The following VPS13C variants were observed in gnomAD, a reference collection of about 807,000 sequenced individuals.
The protein encoded by VPS13C is vacuolar protein sorting 13 homolog C, also known as intermembrane lipid transfer protein VPS13C.
A neutral mutation model predicts 456.8 loss-of-function variants in VPS13C; 358 were observed. The ratio of observed to expected loss-of-function variants is 0.78; its 90% CI spans 0.72 to 0.86. VPS13C has a LOEUF of 0.86. VPS13C is among the 40% of genes least tolerant of loss of function. The pLI, the probability that VPS13C is intolerant of heterozygous loss-of-function variation, is 0.00. For missense variants in VPS13C, 4,818 were observed against 4,385.4 expected (o/e 1.10, Z -2.79); for synonymous variants, 1,578 against 1,486.7 (o/e 1.06, Z -1.41).
Position 61,949,474 on chromosome 15 carries a change from C to A in VPS13C, c.4728G>T (p.Val1576=). 6.2e-6 allele frequency: 10 copies of A among 1,613,510 alleles called. No individual in the cohort carries two copies. The Middle Eastern group carries it at 5.0e-4, about 80-fold the overall frequency. ...SEKESELKPL[V]GESRSIAVKA... ...TGACAGCGATACTTCTGGACTCCCCCACAAGTGGTTTCAGCTCGGATTCCT... is the reference window on the plus strand; with the variant it reads ...TGACAGCGATACTTCTGGACTCCCCAACAAGTGGTTTCAGCTCGGATTCCT... The change falls in exon 42 of 85, where the codon GTG becomes GTT. Residue 1576 remains valine, a synonymous_variant. Coordinates refer to ENST00000644861, the MANE Select transcript of VPS13C (RefSeq NM_020821.3).
At position 61,857,800 on chromosome 15, in the gene VPS13C, T is replaced by C. The variant is rs898291961; in HGVS notation, c.10953-1391A>G. ...TGAGAAGGGGGAAGAAAGGGCTAGA[T>C]TGAGATGTTTAGAAGGCAGACATGA... is the stretch of plus-strand genomic sequence containing the variant. On this transcript the variant is annotated intron_variant, in intron 82 of 84. Coordinates refer to ENST00000644861, the MANE Select transcript of VPS13C (RefSeq NM_020821.3). Among the ~76,000 whole-genome samples the C allele has an allele frequency of 3.3e-5, 5 of 152,032 alleles. No homozygotes were observed. In the East Asian group the frequency reaches 5.8e-4, roughly 18 times the overall value.
chr15:61,999,926 A>AT (rs999804893), intron 16 of VPS13C, among the ~76,000 whole-genome samples: 11 of 151,146 alleles, frequency 7.3e-5, no homozygotes, highest in Non-Finnish European at 1.3e-4. Flanking sequence ...AAAAAAGGAG[A>AT]TAAAAAGCAT....
chr15:61,899,460 G>T (rs550773905), intron 66 of VPS13C, among the ~76,000 whole-genome samples: 153 of 152,238 alleles, frequency 1.0e-3, no homozygotes, highest in African/African-American at 3.6e-3. Context: ...CTACCTCTAC[G>T]CAAATAAACT....
In VPS13C at chr15:61,852,443, AT is replaced by A. The variant is rs1893698675; in HGVS notation, c.*2013del. On this transcript the variant is annotated 3_prime_UTR_variant, in exon 85 of 85. Transcript: ENST00000644861. ...GTTTTATTTCTCTCATATGCAAGTA[AT>A]TACCTCTCAAAGCATTTTTAAAAAA... 6.6e-6 allele frequency: 1 copy of A among 152,220 alleles called. No homozygotes were observed. The highest frequency in any genetic ancestry group is 2.1e-4 in the South Asian group (1 of 4,830). 9.4% of individuals were successfully genotyped at this position (152,220 alleles called of 1,614,324 possible).
In VPS13C at chr15:62,008,661, C is replaced by A. The variant is rs185425999; in HGVS notation, c.1112G>T (p.Arg371Leu). Residue 371 changes from arginine to leucine, a missense_variant, in exon 14 of 85, where the codon CGA becomes CTA. This residue lies in a region of VPS13C where 4,552 missense variants were observed against 4,130.6 expected (regional missense o/e 1.10). Coordinates refer to ENST00000644861, the MANE Select transcript of VPS13C (RefSeq NM_020821.3). ...AAAACAAATTCTAACTTACCATCGT[C>A]GACCATTGGTATGAAGTGGTAAATA... Reference protein sequence around the residue: ...KPYLPLHTNGRRWWKYAIDSV... With the variant: ...KPYLPLHTNGLRWWKYAIDSV... The A allele has an allele frequency of 6.3e-7, 1 of 1,593,174 alleles. No individual in the cohort carries two copies. Among genetic ancestry groups the A allele is most frequent in the Non-Finnish European group, 8.6e-7 (1 of 1,169,174 alleles).
At chr15:61,922,206 A>C (rs554471043) in intron 54 of VPS13C, among the ~76,000 whole-genome samples, 173 bp from the exon 55 acceptor site, 2 of 152,286 alleles carry the variant, frequency 1.3e-5, no homozygotes, top group African/African-American at 4.8e-5. Flanking sequence ...TATTGTCATA[A>C]ATTATTTAGC....
chr15:62,008,821 T>C (rs757257197), intron 13 of VPS13C, 60 bp from the exon 14 acceptor site: 3 of 1,048,684 alleles, frequency 2.9e-6, no homozygotes, highest in African/African-American at 3.3e-5. Flanking sequence ...AAAGACTAAA[T>C]TTAATTCTAT....
Position 61,919,321 on chromosome 15 carries a change from T to C in VPS13C, c.7606A>G (p.Asn2536Asp). 6.2e-7 allele frequency: 1 copy of C among 1,607,468 alleles called. No homozygotes were observed. The change falls in exon 58 of 85, where the codon AAT (asparagine) becomes GAT (aspartate). Residue 2536 changes from asparagine (N) to aspartate (D), a missense_variant. Asn to Asp is a conservative substitution (Grantham distance 23). Coordinates refer to ENST00000644861, the MANE Select transcript of VPS13C (RefSeq NM_020821.3). ...VLVQIDATEG[N>D]KVITLRSPLQ... Reference sequence around the variant, plus strand: ...GGAGAGCGAAGGGTAATTACTTTATTCCCTTCAGTTGCATCAATTTGTACC... The same window carrying C: ...GGAGAGCGAAGGGTAATTACTTTATCCCCTTCAGTTGCATCAATTTGTACC...
intron 30 of VPS13C, 137 bp downstream of exon 30, chr15:61,965,946 G>T: frequency 6.1e-6 from 3 of 488,846 alleles, no homozygotes; most frequent in Non-Finnish European, 1.1e-5. Flanking sequence ...GGTAAGTATC[G>T]ATGAGGTTAT....
At position 61,982,562 on chromosome 15, in the gene VPS13C, A is replaced by C. The variant is rs768348393; in HGVS notation, c.1926T>G (p.Asn642Lys). The C allele has an allele frequency of 4.2e-5, 68 of 1,603,572 alleles. No homozygotes were observed. The highest frequency in any genetic ancestry group is 5.5e-5 in the Non-Finnish European group (65 of 1,177,342). Residue 642 changes from asparagine to lysine, a missense_variant, in exon 21 of 85, where the codon AAT (asparagine) becomes AAG (lysine). Physicochemically the swap from Asn to Lys is moderately conservative, Grantham distance 94 (BLOSUM62 0). Around this residue, in one of 3 missense-constraint regions of VPS13C, gnomAD observed 4,552 missense variants for 4,130.6 expected, o/e 1.10. Coordinates refer to ENST00000644861, the MANE Select transcript of VPS13C (RefSeq NM_020821.3). ...VEVIYDAKTVNAVVEFFQSNK... is the reference protein window; with the variant it reads ...VEVIYDAKTVKAVVEFFQSNK... ...TTGATTGAAAGAATTCAACCACTGC[A>C]TTGACAGTTTTCTATAAGAAAATTT...
intron 81 of VPS13C, chr15:61,864,947 G>C (rs1566954487): frequency 1.0e-6 from 1 of 979,392 alleles, no homozygotes; most frequent in Non-Finnish European, 1.2e-6. Context: ...TTTCTATCTT[G>C]TATGTATTTT....
chr15:61,899,774 C>T (rs1412001805), intron 66 of VPS13C, among the ~76,000 whole-genome samples: 1 of 152,012 alleles, frequency 6.6e-6, no homozygotes, highest in Admixed American at 6.6e-5. Flanking sequence ...AGACCAGCAT[C>T]ATTCTGATAC....
chr15:62,016,889 C>T (rs1004628389), intron 9 of VPS13C, among the ~76,000 whole-genome samples: 2 of 152,172 alleles, frequency 1.3e-5, no homozygotes, highest in Admixed American at 1.3e-4. Flanking sequence ...GTCCCACCAA[C>T]AGTGTAAAAG....
chr15:62,033,622 A>G (rs2047891279), intron 4 of VPS13C, 80 bp from the exon 5 acceptor site: 2 of 968,308 alleles, frequency 2.1e-6, no homozygotes, highest in Admixed American at 5.6e-5. Context: ...CCTCATTAGG[A>G]TTGTGTAAGT....
chr15:61,910,364 C>G, intron 63 of VPS13C, 59 bp from the exon 64 acceptor site: 1 of 1,257,234 alleles, frequency 8.0e-7, no homozygotes, highest in African/African-American at 1.6e-5. Flanking sequence ...ATAAATAAGA[C>G]ATTACCTAAT....
intron 81 of VPS13C, chr15:61,865,445 A>G: frequency 2.0e-6 from 2 of 984,790 alleles, no homozygotes; most frequent in South Asian, 4.7e-5. Context: ...AAAACTAAAA[A>G]GCAAGAAATG....
chr15:61,954,781 A>G (rs75338219), intron 37 of VPS13C, among the ~76,000 whole-genome samples: 3,347 of 152,268 alleles, frequency 0.022, 50 homozygotes, highest in Middle Eastern at 0.031. Flanking sequence ...AACAAATGTT[A>G]ATAGACTCTA....
chr15:61,961,619 T>A lies in VPS13C; in HGVS notation c.3878A>T (p.Asp1293Val). 2 of 1,609,872 alleles carry A rather than the reference T, an allele frequency of 1.2e-6. No homozygotes were observed. The highest frequency in any genetic ancestry group is 1.7e-6 in the Non-Finnish European group (2 of 1,177,708). The change falls in exon 35 of 85, where the codon GAT (aspartate) becomes GTT (valine). Residue 1293 changes from aspartate to valine, a missense_variant. Transcript: ENST00000644861. ...YLNPPVIDRM[D>V]VQLTKLTLYR... The stretch of plus-strand genomic sequence containing the variant: ...AAGTGTAAGCTTTGTTAGCTGCACA[T>A]CCATTCTATCAATTACTGGAGGATT...
chr15:61,994,244 A>G (rs770528671), intron 16 of VPS13C, among the ~76,000 whole-genome samples: 5 of 152,150 alleles, frequency 3.3e-5, no homozygotes, highest in Admixed American at 6.5e-5. Context: ...CTGCATCCCA[A>G]TATTAGTTCT....
Sources: allele counts gnomAD v4.1 joint callset (sites outside exome capture counted in the v4.1 genomes callset), GRCh38; gene constraint gnomAD v4.1.1; regional missense constraint gnomAD v4.1.1; transcripts MANE v1.5; gene names NCBI Gene and HGNC (gene_info 2026-07-23, HGNC 2026-07-21).